The following NCOA1 variants were observed in gnomAD, a reference collection of about 807,000 sequenced individuals.
NCOA1 encodes nuclear receptor coactivator 1.
In NCOA1, 35 loss-of-function variants were observed where a neutral mutation model predicts 150.9. The observed-to-expected ratio is 0.23, with a 90% CI of 0.18 to 0.31. NCOA1 has a LOEUF of 0.31. NCOA1 is among the 10% of genes least tolerant of loss of function. The pLI is 1.00. For synonymous variants in NCOA1, 590 were observed against 630.0 expected, an observed-to-expected ratio of 0.94 and a Z score of 0.95; for missense variants, 1,491 against 1,749.3, an observed-to-expected ratio of 0.85 and a Z score of 2.63.
chr2:24,679,020 T>C (rs921574277), intron 7 of NCOA1, among the ~76,000 whole-genome samples: 47 of 152,202 alleles, frequency 3.1e-4, no homozygotes, highest in African/African-American at 1.1e-3. Context: ...TTGGGTGATG[T>C]CTTTTATTCC....
At position 24,602,342 on chromosome 2, in the gene NCOA1, A is replaced by G. The variant is rs947519591; in HGVS notation, c.-175+17782A>G. 2.0e-5 allele frequency among the ~76,000 whole-genome samples: 3 copies of G among 152,010 alleles called. No homozygotes were observed. The East Asian group carries it at 5.8e-4, about 29-fold the overall frequency. ...CAGCCTCCCCAGTAGCTGGGACTAC[A>G]GGGGTGCACCACCACACCGGGCTAA... On this transcript the variant is annotated intron_variant, in intron 3 of 22. Transcript: ENST00000348332.
chr2:24,655,341 AT>A (rs1294387457), intron 4 of NCOA1, among the ~76,000 whole-genome samples: 1 of 152,190 alleles, frequency 6.6e-6, no homozygotes, highest in African/African-American at 2.4e-5. Flanking sequence ...TATATAATCT[AT>A]ATGCTTGTAT....
Position 24,576,159 on chromosome 2 carries a change from TTTTG to T in NCOA1, c.-259-8313_-259-8310del, listed in dbSNP as rs765142461. Among the ~76,000 whole-genome samples, 12 of 94,504 alleles carry T rather than the reference TTTTG, an allele frequency of 1.3e-4. 1 individual carries two copies. Among genetic ancestry groups the T allele is most frequent in the African/African-American group, 2.6e-4 (6 of 23,428 alleles). 62.0% of individuals were successfully genotyped at this position (94,504 alleles called of 152,430 possible). ...AATTATTTGGCCTTTGTTTTTTTTT[TTTTG>T]TTTTTTGTTTTTTTTTTTTTTTTTT... is the stretch of plus-strand genomic sequence containing the variant. On this transcript the variant is annotated intron_variant, in intron 2 of 22. Transcript: ENST00000348332.
intron 1 of NCOA1, among the ~76,000 whole-genome samples, chr2:24,492,872 C>T (rs906585999): frequency 6.6e-6 from 1 of 150,816 alleles, no homozygotes; most frequent in Non-Finnish European, 1.5e-5. Context: ...TGCCGTGAAG[C>T]GTAGATTATA....
intron 17 of NCOA1, among the ~76,000 whole-genome samples, chr2:24,737,258 A>G (rs1031456274): frequency 6.6e-6 from 1 of 152,212 alleles, no homozygotes; most frequent in African/African-American, 2.4e-5. Context: ...GAGAAGAGGC[A>G]GGTCAAAATA....
chr2:24,650,145 C>T (rs916320193), intron 4 of NCOA1, among the ~76,000 whole-genome samples: 4 of 152,116 alleles, frequency 2.6e-5, no homozygotes. Context: ...ATGGTAGAAG[C>T]TTAGGGGAGC....
rs1381005744 is a variant in NCOA1, at chr2:24,491,535, C to CCG, written c.-463_-462insCG. On this transcript the variant is annotated 5_prime_UTR_variant, in exon 1 of 23. Transcript: ENST00000348332. ...GCCCGAGGAGCGGCGGAGGCCGGGGCGGCGCCGCCGCCACGGTCGCGGACG... is the reference window on the plus strand; with the variant it reads ...GCCCGAGGAGCGGCGGAGGCCGGGGCCGGGCGCCGCCGCCACGGTCGCGGACG... Among the ~76,000 whole-genome samples, 9 of 1,854 alleles carry CCG rather than the reference C, an allele frequency of 4.9e-3. No individual in the cohort carries two copies. The highest frequency in any genetic ancestry group is 0.011 in the African/African-American group (6 of 552). The allele number at this position is 1,854 out of a possible 152,430, so 1.2% of individuals were successfully genotyped here. A position where few individuals can be genotyped will look rare whatever the true frequency, so the allele number is the denominator to read the frequency against.
At chr2:24,584,937 C>G (rs1429955737) in intron 3 of NCOA1, among the ~76,000 whole-genome samples, 1 of 152,134 alleles carries the variant, frequency 6.6e-6, no homozygotes, top group Non-Finnish European at 1.5e-5. Flanking sequence ...ATTGAAGAAA[C>G]CGGTGTTCAA....
rs373423603 is a variant in NCOA1, at chr2:24,566,209, C to T, written c.-260+1779C>T. Reference sequence around the variant, plus strand: ...TATAGAACACCTCAGAGGAGACTTGCAATAGGTAGCTCCTTTCTGCAGCCA... The same window carrying T: ...TATAGAACACCTCAGAGGAGACTTGTAATAGGTAGCTCCTTTCTGCAGCCA... On this transcript the variant is annotated intron_variant, in intron 2 of 22. Transcript: ENST00000348332. Among the ~76,000 whole-genome samples the T allele has an allele frequency of 2.6e-4, 39 of 152,298 alleles. No individual in the cohort carries two copies. In the East Asian group the frequency reaches 5.2e-3, roughly 20 times the overall value.
In NCOA1 at chr2:24,752,161, G is replaced by T; in HGVS notation, c.3881+5G>T. 1.9e-6 allele frequency: 3 copies of T among 1,613,270 alleles called. No homozygotes were observed. Among genetic ancestry groups the T allele is most frequent in the Non-Finnish European group, 1.7e-6 (2 of 1,179,530 alleles). ...AGGAGCGATAGGAAACAACAAGTAAGGGGGCAGTTTTTATATATGAGCATC... is the reference window on the plus strand; with the variant it reads ...AGGAGCGATAGGAAACAACAAGTAATGGGGCAGTTTTTATATATGAGCATC... On this transcript the variant is annotated splice_donor_5th_base_variant and intron_variant, in intron 20 of 22. Transcript: ENST00000348332.
At chr2:24,522,008 A>G (rs890008514) in intron 1 of NCOA1, among the ~76,000 whole-genome samples, 10 of 151,700 alleles carry the variant, frequency 6.6e-5, no homozygotes, top group Admixed American at 4.6e-4. Flanking sequence ...CCCCCCATAC[A>G]TAGTACCTTC....
chr2:24,626,605 G>T (rs758609047), intron 3 of NCOA1, among the ~76,000 whole-genome samples: 3 of 151,948 alleles, frequency 2.0e-5, no homozygotes, highest in Non-Finnish European at 2.9e-5. Flanking sequence ...TAGAGATGAG[G>T]ATTTTCTTTT....
intron 3 of NCOA1, among the ~76,000 whole-genome samples, chr2:24,639,190 T>C (rs1023501162): frequency 5.9e-5 from 9 of 152,174 alleles, no homozygotes; most frequent in Non-Finnish European, 1.3e-4. Context: ...AACTTACCTG[T>C]GATGCCATCT....
chr2:24,730,128 G>A (rs560387895), intron 17 of NCOA1, among the ~76,000 whole-genome samples: 2 of 152,286 alleles, frequency 1.3e-5, no homozygotes, highest in South Asian at 2.1e-4. Flanking sequence ...ACAGGCGTGA[G>A]CCACCGCACC....
chr2:24,672,030 G>A (rs187103525), intron 6 of NCOA1, among the ~76,000 whole-genome samples: 101 of 152,206 alleles, frequency 6.6e-4, no homozygotes, highest in Admixed American at 1.8e-3. Context: ...TCTGTGGTCA[G>A]TAGAATCCAT....
rs1358866553 is a variant in NCOA1, at chr2:24,629,813, CATACATATAT to C, written c.-174-14149_-174-14140del. Among the ~76,000 whole-genome samples, 245 of 77,336 alleles carry C rather than the reference CATACATATAT, an allele frequency of 3.2e-3. 3 individuals carry two copies. The highest frequency in any genetic ancestry group is 0.011 in the African/African-American group (211 of 19,806). 50.7% of individuals were successfully genotyped at this position (77,336 alleles called of 152,430 possible). On this transcript the variant is annotated intron_variant, in intron 3 of 22. Coordinates refer to ENST00000348332, the MANE Select transcript of NCOA1 (RefSeq NM_003743.5). ...GCCAGACACTGTTTTAAGTAACATA[CATACATATAT>C]ATATATATATATATATATATATATG...
At chr2:24,659,639 C>T (rs1671092249) in intron 5 of NCOA1, among the ~76,000 whole-genome samples, 1 of 152,186 alleles carries the variant, frequency 6.6e-6, no homozygotes, top group South Asian at 2.1e-4. Context: ...TAGCTTCCTA[C>T]CTGAGAGCAG....
At chr2:24,535,590 G>C (rs953875542) in intron 1 of NCOA1, among the ~76,000 whole-genome samples, 1 of 152,176 alleles carries the variant, frequency 6.6e-6, no homozygotes, top group South Asian at 2.1e-4. Context: ...GCTGGTACTG[G>C]TTGTTCCTTT....
intron 1 of NCOA1, among the ~76,000 whole-genome samples, chr2:24,538,099 T>C (rs1387871303): frequency 2.0e-5 from 3 of 152,238 alleles, no homozygotes; most frequent in Non-Finnish European, 4.4e-5. Flanking sequence ...GTTTTTAGTG[T>C]ATCTGATGAA....
Sources: gnomAD v4.1 joint callset for allele counts (sites outside exome capture counted in the v4.1 genomes callset) on GRCh38, gnomAD v4.1.1 for gene constraint, MANE v1.5 for transcripts, NCBI Gene and HGNC (gene_info 2026-07-23, HGNC 2026-07-21) for gene names.